Variants in MOB1B observed in about 807,000 individuals in gnomAD.
MOB1B encodes the protein MOB kinase activator 1B.
A neutral mutation model predicts 24.4 loss-of-function variants in MOB1B; 19 were observed. The ratio of observed to expected loss-of-function variants is 0.78; its 90% CI spans 0.54 to 1.14. The LOEUF (loss-of-function observed/expected upper bound fraction) is 1.14, where lower values mean the gene tolerates loss of function less well. Among genes scored for constraint, MOB1B ranks in the 50% most tolerant of loss-of-function variants. The pLI, the probability that MOB1B is intolerant of heterozygous loss-of-function variation, is 0.00. For synonymous variants in MOB1B, 76 were observed against 82.1 expected, an observed-to-expected ratio of 0.93 and a Z score of 0.40; for missense variants, 243 against 259.6, an observed-to-expected ratio of 0.94 and a Z score of 0.44.
chr4:70,974,537 G>A (rs1310344894), intron 3 of MOB1B, among the ~76,000 whole-genome samples: 1 of 151,948 alleles, frequency 6.6e-6, no homozygotes, highest in Non-Finnish European at 1.5e-5. Flanking sequence ...TTACATGGAA[G>A]GTGCATATTA....
intron 1 of MOB1B, among the ~76,000 whole-genome samples, chr4:70,904,117 G>A (rs1735640661): frequency 6.7e-6 from 1 of 150,368 alleles, no homozygotes; most frequent in Non-Finnish European, 1.5e-5. Flanking sequence ...TGAGTAGCTG[G>A]GACTACAGGC....
At position 70,959,475 on chromosome 4, in the gene MOB1B, C is replaced by T. The variant is rs557873672; in HGVS notation, c.181+435C>T. Among the ~76,000 whole-genome samples the T allele has an allele frequency of 3.3e-5, 5 of 152,298 alleles. No homozygotes were observed. In the East Asian group the frequency reaches 5.8e-4, roughly 18 times the overall value. On this transcript the variant is annotated intron_variant, in intron 2 of 5. Coordinates refer to ENST00000309395, the MANE Select transcript of MOB1B (RefSeq NM_173468.4). ...GTGATCCTTCTATCTCAGCCTTTCA[C>T]GGTGCTAGGATTACAGGCACTAGTC...
In MOB1B at chr4:70,979,183, C is replaced by G. The variant is rs778358843; in HGVS notation, c.465C>G (p.Leu155=). 8 of 1,613,856 alleles carry G rather than the reference C, an allele frequency of 5.0e-6. No homozygotes were observed. Among genetic ancestry groups the G allele is most frequent in the Non-Finnish European group, 5.9e-6 (7 of 1,179,856 alleles). The part of the protein sequence containing the change: ...MSVAKTILKR[L]FRVYAHIYHQ... ...TGGCAAAAACTATACTCAAACGCCT[C>G]TTTAGGGTTTATGCTCACATTTATC... Residue 155 remains leucine (L), a synonymous_variant, in exon 5 of 6, where the codon CTC becomes CTG. Coordinates refer to ENST00000309395, the MANE Select transcript of MOB1B (RefSeq NM_173468.4).
chr4:70,948,722 A>C (rs1737683468), intron 1 of MOB1B, among the ~76,000 whole-genome samples: 1 of 152,014 alleles, frequency 6.6e-6, no homozygotes, highest in Non-Finnish European at 1.5e-5. Flanking sequence ...TGAGTGTTTG[A>C]GGATATTGGT....
At position 70,947,967 on chromosome 4, in the gene MOB1B, A is replaced by T. The variant is rs142790733; in HGVS notation, c.15-10907A>T. Among the ~76,000 whole-genome samples the T allele has an allele frequency of 3.1e-4, 47 of 152,302 alleles. No individual in the cohort carries two copies. In the East Asian group the frequency reaches 8.9e-3, roughly 29 times the overall value. On this transcript the variant is annotated intron_variant, in intron 1 of 5. Transcript: ENST00000309395. Reference sequence around the variant, plus strand: ...ATTTATCAGTATTTTCTTTCATAAGATGCTTTTTTATATCTAGAAACTCAT... The same window carrying T: ...ATTTATCAGTATTTTCTTTCATAAGTTGCTTTTTTATATCTAGAAACTCAT...
intron 1 of MOB1B, among the ~76,000 whole-genome samples, chr4:70,922,913 G>A (rs568380514): frequency 2.0e-5 from 3 of 152,234 alleles, no homozygotes; most frequent in Admixed American, 6.5e-5. Context: ...CCATGAGGTA[G>A]CAATACAAGC....
intron 1 of MOB1B, among the ~76,000 whole-genome samples, chr4:70,939,867 G>T (rs1469025714): frequency 6.6e-6 from 1 of 152,252 alleles, no homozygotes; most frequent in Admixed American, 6.5e-5. Context: ...TGGACTTGGA[G>T]AAAGAATGCA....
intron 1 of MOB1B, among the ~76,000 whole-genome samples, chr4:70,913,094 C>G (rs762194207): frequency 2.0e-5 from 3 of 152,134 alleles, no homozygotes. Flanking sequence ...TCAGTCTTTC[C>G]TTGACTTTTA....
chr4:70,908,094 C>T (rs1490395094), intron 1 of MOB1B, among the ~76,000 whole-genome samples: 5 of 150,630 alleles, frequency 3.3e-5, no homozygotes, highest in Non-Finnish European at 7.4e-5. Context: ...GGCGCGATCT[C>T]GGCTCACTGC....
chr4:70,975,431 G>A, intron 4 of MOB1B, 145 bp downstream of exon 4: 1 of 1,353,736 alleles, frequency 7.4e-7, no homozygotes, highest in Non-Finnish European at 9.5e-7. Flanking sequence ...TTCCCAAGAA[G>A]AGGCACAAAA....
chr4:70,923,798 A>C (rs1736536675), intron 1 of MOB1B, among the ~76,000 whole-genome samples: 2 of 151,906 alleles, frequency 1.3e-5, no homozygotes, highest in African/African-American at 4.8e-5. Context: ...AAATACAAAA[A>C]AATGAGCTGG....
chr4:70,976,766 ATATATATATCTC>A (rs1417151968), intron 4 of MOB1B: 3 of 215,520 alleles, frequency 1.4e-5, no homozygotes, highest in Non-Finnish European at 2.3e-5. Flanking sequence ...ATATATATAT[ATATATATATCTC>A]TCTCTCTCAA....
chr4:70,959,132 T>G, intron 2 of MOB1B, 92 bp downstream of exon 2: 1 of 995,624 alleles, frequency 1.0e-6, no homozygotes. Context: ...TAGGATTTAG[T>G]TAGTAAGCTA....
At chr4:70,906,152 T>C (rs1354556056) in intron 1 of MOB1B, among the ~76,000 whole-genome samples, 1 of 151,342 alleles carries the variant, frequency 6.6e-6, no homozygotes, top group Non-Finnish European at 1.5e-5. Context: ...CCGAGGTGGG[T>C]GGATCACTTG....
At chr4:70,978,173 T>A (rs1201598624) in intron 4 of MOB1B, among the ~76,000 whole-genome samples, 1 of 152,236 alleles carries the variant, frequency 6.6e-6, no homozygotes, top group Non-Finnish European at 1.5e-5. Context: ...ATAAGTGAGG[T>A]TATACAATAT....
rs752995298 is a variant in MOB1B, at chr4:70,955,163, C to T, written c.15-3711C>T. On this transcript the variant is annotated intron_variant, in intron 1 of 5. Transcript: ENST00000309395. ...AGAAAACATTGGAAGCCTAAAACGT[C>T]GGGGCAGAGTGGTTTGATTAGTAGA... Among the ~76,000 whole-genome samples, 8 of 152,054 alleles carry T rather than the reference C, an allele frequency of 5.3e-5. 1 individual carries two copies. The highest frequency in any genetic ancestry group is 2.6e-4 in the Admixed American group (4 of 15,266).
At chr4:70,916,892 C>T (rs1394521554) in intron 1 of MOB1B, among the ~76,000 whole-genome samples, 1 of 152,164 alleles carries the variant, frequency 6.6e-6, no homozygotes, top group Non-Finnish European at 1.5e-5. Flanking sequence ...CTATAATCTT[C>T]ATTGGATGTA....
At chr4:70,975,817 T>G (rs1251683525) in intron 4 of MOB1B, 5 of 919,300 alleles carry the variant, frequency 5.4e-6, no homozygotes, top group Non-Finnish European at 3.9e-6. Context: ...CTTATGCACT[T>G]ACAGGTGTTC....
intron 1 of MOB1B, among the ~76,000 whole-genome samples, chr4:70,903,332 A>C (rs539956064): frequency 1.3e-5 from 2 of 152,300 alleles, no homozygotes; most frequent in East Asian, 3.9e-4. Context: ...CTTTGGCGTC[A>C]TGTTTAGTGC....
Sources: gnomAD v4.1 joint callset for allele counts (sites outside exome capture counted in the v4.1 genomes callset) on GRCh38, gnomAD v4.1.1 for gene constraint, MANE v1.5 for transcripts, NCBI Gene and HGNC (gene_info 2026-07-23, HGNC 2026-07-21) for gene names.